The following TMCO4 variants were observed in gnomAD, a reference collection of about 807,000 sequenced individuals.
TMCO4 encodes transmembrane and coiled-coil domain-containing protein 4.
In TMCO4, 58 loss-of-function variants were observed where a neutral mutation model predicts 64.7. The ratio of observed to expected loss-of-function variants is 0.90; its 90% CI spans 0.73 to 1.12. TMCO4 has a LOEUF of 1.12. TMCO4 is among the 50% of genes most tolerant of loss of function. The pLI is 0.00. For synonymous variants in TMCO4, 325 were observed against 346.1 expected, an observed-to-expected ratio of 0.94 and a Z score of 0.68; for missense variants, 780 against 825.9, an observed-to-expected ratio of 0.94 and a Z score of 0.68.
At chr1:19,683,822 G>T (rs976094443) in intron 15 of TMCO4, among the ~76,000 whole-genome samples, 1 of 128,802 alleles carries the variant, frequency 7.8e-6, no homozygotes, top group African/African-American at 3.0e-5. Context: ...GAGTGCCGTG[G>T]CGCAATCTTG....
Position 19,740,950 on chromosome 1 carries a change from A to T in TMCO4, c.878-9T>A. 1 of 1,591,710 alleles carries T rather than the reference A, an allele frequency of 6.3e-7. No individual in the cohort carries two copies. The highest frequency in any genetic ancestry group is 8.6e-7 in the Non-Finnish European group (1 of 1,168,814). ...CGGGGCACTGAAGGTGCCTGGGGAG[A>T]TCACAGGTAGGTGAAGTCTCTCTTG... On this transcript the variant is annotated splice_polypyrimidine_tract_variant and intron_variant, in intron 10 of 15. Coordinates refer to ENST00000294543, the MANE Select transcript of TMCO4 (RefSeq NM_181719.7).
intron 13 of TMCO4, among the ~76,000 whole-genome samples, chr1:19,723,951 T>C (rs1358622733): frequency 6.6e-6 from 1 of 152,162 alleles, no homozygotes; most frequent in Non-Finnish European, 1.5e-5. Context: ...CAACCCACAT[T>C]CAAGGTGAGA....
intron 13 of TMCO4, among the ~76,000 whole-genome samples, chr1:19,706,564 C>T (rs995193578): frequency 6.6e-6 from 1 of 152,124 alleles, no homozygotes; most frequent in Non-Finnish European, 1.5e-5. Context: ...ACATGTAGAG[C>T]GTTTATGCTT....
chr1:19,726,009 T>C (rs1323921396), intron 13 of TMCO4, among the ~76,000 whole-genome samples: 1 of 152,198 alleles, frequency 6.6e-6, no homozygotes, highest in East Asian at 1.9e-4. Flanking sequence ...CACAGCAAAC[T>C]TCATGGCTGC....
chr1:19,769,215 C>G (rs2042876764), intron 6 of TMCO4, among the ~76,000 whole-genome samples: 1 of 152,222 alleles, frequency 6.6e-6, no homozygotes, highest in Non-Finnish European at 1.5e-5. Context: ...CCACTAGAAT[C>G]TGAGGGCTGA....
rs186667621 is a variant in TMCO4, at chr1:19,784,965, G to A, written c.-9+2061C>T. ...CTGGGCTATATGTGGCCCACAGGCC[G>A]AAGATTGGACAAGCTTAAATGTCCT... On this transcript the variant is annotated intron_variant, in intron 3 of 15. Coordinates refer to ENST00000294543, the MANE Select transcript of TMCO4 (RefSeq NM_181719.7). Among the ~76,000 whole-genome samples, 37 of 152,058 alleles carry A rather than the reference G, an allele frequency of 2.4e-4. No homozygotes were observed. In the East Asian group the frequency reaches 3.9e-3, roughly 16 times the overall value.
chr1:19,701,020 A>T, intron 13 of TMCO4, 135 bp from the exon 14 acceptor site: 1 of 698,128 alleles, frequency 1.4e-6, no homozygotes, highest in Non-Finnish European at 2.4e-6. Flanking sequence ...AATCATGTGC[A>T]AATGTGCATG....
At position 19,683,018 on chromosome 1, in the gene TMCO4, C is replaced by T. The variant is rs199628890; in HGVS notation, c.*22G>A. ...AGCTGCATATGGAGACTGGGGAAGA[C>T]GGCTCAGGTCCCCTGCTGTGGTCAG... On this transcript the variant is annotated 3_prime_UTR_variant, in exon 16 of 16. Transcript: ENST00000294543. 63 of 1,535,218 alleles carry T rather than the reference C, an allele frequency of 4.1e-5. No homozygotes were observed. In the East Asian group the frequency reaches 5.0e-4, roughly 12 times the overall value.
chr1:19,715,624 G>A (rs1037914204), intron 13 of TMCO4, among the ~76,000 whole-genome samples: 2 of 152,220 alleles, frequency 1.3e-5, no homozygotes, highest in African/African-American at 4.8e-5. Flanking sequence ...CAGCTGCCAA[G>A]TTCTGCACGA....
At position 19,740,827 on chromosome 1, in the gene TMCO4, C is replaced by T. The variant is rs144190656; in HGVS notation, c.992G>A (p.Gly331Asp). 1,270 of 1,614,092 alleles carry T rather than the reference C, an allele frequency of 7.9e-4. 2 individuals are homozygous for T. Among genetic ancestry groups the T allele is most frequent in the Non-Finnish European group, 9.4e-4 (1,108 of 1,179,998 alleles). Residue 331 changes from glycine (G) to aspartate (D), a missense_variant, in exon 11 of 16, where the codon GGT becomes GAT. By Grantham distance (94) the Gly-to-Asp change is moderately conservative. Coordinates refer to ENST00000294543, the MANE Select transcript of TMCO4 (RefSeq NM_181719.7). ...CTCCTGGGCCACCATGTTGGCGAGA[C>T]CACTGAGGATGGTCTCCAGGGCATT... is the stretch of plus-strand genomic sequence containing the variant. ...LGNALETILS[G>D]LANMVAQEAL...
intron 2 of TMCO4, among the ~76,000 whole-genome samples, chr1:19,789,343 A>G (rs967282213): frequency 6.6e-6 from 1 of 152,102 alleles, no homozygotes; most frequent in East Asian, 1.9e-4. Context: ...CAGAGAATGC[A>G]GTGAGCCAAG....
chr1:19,782,239 C>T (rs1038902202), intron 3 of TMCO4, among the ~76,000 whole-genome samples: 2 of 152,198 alleles, frequency 1.3e-5, no homozygotes, highest in Non-Finnish European at 2.9e-5. Context: ...GAATGAACTA[C>T]AGCAAACATG....
intron 13 of TMCO4, among the ~76,000 whole-genome samples, chr1:19,709,454 C>T (rs565955298): frequency 6.6e-6 from 1 of 151,820 alleles, no homozygotes; most frequent in Non-Finnish European, 1.5e-5. Context: ...CTGCTGTCTG[C>T]TATCATGGAG....
chr1:19,740,736 A>C, intron 11 of TMCO4, 41 bp downstream of exon 11: 1 of 1,580,098 alleles, frequency 6.3e-7, no homozygotes, highest in Non-Finnish European at 8.6e-7. Context: ...GGATGAAGGC[A>C]GTGGGCATGC....
chr1:19,773,938 T>A (rs1289847362), intron 4 of TMCO4, among the ~76,000 whole-genome samples: 5 of 152,136 alleles, frequency 3.3e-5, no homozygotes, highest in Admixed American at 6.6e-5. Context: ...GGAAATTGGC[T>A]TTGTGTCCTC....
At chr1:19,782,932 T>G (rs556066400) in intron 3 of TMCO4, among the ~76,000 whole-genome samples, 1 of 152,296 alleles carries the variant, frequency 6.6e-6, no homozygotes, top group African/African-American at 2.4e-5. Flanking sequence ...AGTATCTACC[T>G]AGAAGAGCTG....
chr1:19,791,249 A>G (rs547739969), intron 2 of TMCO4, among the ~76,000 whole-genome samples: 82 of 152,260 alleles, frequency 5.4e-4, no homozygotes, highest in Middle Eastern at 3.4e-3. Context: ...GCAGCAAACC[A>G]TCATGGCACA....
chr1:19,770,724 C>A (rs115497063), intron 5 of TMCO4, among the ~76,000 whole-genome samples, 155 bp from the exon 6 acceptor site: 170 of 152,156 alleles, frequency 1.1e-3, no homozygotes, highest in African/African-American at 3.3e-3. Flanking sequence ...AACAGGCAAG[C>A]GAAGAAAGAA....
chr1:19,774,718 C>CT (rs965841267), intron 4 of TMCO4, among the ~76,000 whole-genome samples: 3 of 152,192 alleles, frequency 2.0e-5, no homozygotes, highest in Admixed American at 6.5e-5. Context: ...TGTAGAGCAA[C>CT]TGTCCGTCAG....
Sources: gnomAD v4.1 joint callset for allele counts (sites outside exome capture counted in the v4.1 genomes callset) on GRCh38, gnomAD v4.1.1 for gene constraint, MANE v1.5 for transcripts, NCBI Gene and HGNC (gene_info 2026-07-23, HGNC 2026-07-21) for gene names.